CD163: variants seen among roughly 807,000 people sequenced by gnomAD.
CD163 encodes the protein CD163 molecule.
In CD163, 64 loss-of-function variants were observed where a neutral mutation model predicts 129.2. The ratio of observed to expected loss-of-function variants is 0.50; its 90% CI spans 0.41 to 0.61. CD163 has a LOEUF of 0.61. Ranked by LOEUF, CD163 falls within the 20% of genes least tolerant of loss-of-function variation. CD163 has a pLI of 0.00. For missense variants in CD163, 1,061 were observed against 1,377.9 expected, an observed-to-expected ratio of 0.77 and a Z score of 3.64; for synonymous variants, 446 against 478.5, an observed-to-expected ratio of 0.93 and a Z score of 0.89.
At chr12:7,492,402 T>C (rs1478815648) in intron 6 of CD163, among the ~76,000 whole-genome samples, 1 of 152,036 alleles carries the variant, frequency 6.6e-6, no homozygotes, top group African/African-American at 2.4e-5. Context: ...ACCTAAAATA[T>C]GGGTGTGGTT....
At chr12:7,495,509 G>A in intron 5 of CD163, 108 bp from the exon 6 acceptor site, 1 of 921,188 alleles carries the variant, frequency 1.1e-6, no homozygotes, top group Non-Finnish European at 1.6e-6. Flanking sequence ...GAAAATTATA[G>A]GTAACTTATT....
chr12:7,500,501 G>GC (rs1387734950), intron 3 of CD163, among the ~76,000 whole-genome samples: 1 of 150,178 alleles, frequency 6.7e-6, no homozygotes, highest in Non-Finnish European at 1.5e-5. Flanking sequence ...TCAGAAATGT[G>GC]CCCTTGGGAT....
In CD163 at chr12:7,485,353, A is replaced by C. The variant is rs780669604; in HGVS notation, c.2522T>G (p.Val841Gly). 6.2e-7 allele frequency: 1 copy of C among 1,614,156 alleles called. No homozygotes were observed. Among genetic ancestry groups the C allele is most frequent in the Non-Finnish European group, 8.5e-7 (1 of 1,180,014 alleles). Residue 841 changes from valine to glycine, a missense_variant, in exon 11 of 17, where the codon GTT (valine) becomes GGT (glycine). Val to Gly is a moderately radical substitution (Grantham distance 109). Transcript: ENST00000432237. This position sits in a 1 kb window ranked among gnomAD's most constrained non-coding sequence, Gnocchi z 4.5. ...SREACAGRLE[V>G]FYNGAWGTVG... is the part of the protein sequence containing the mutation. The stretch of plus-strand genomic sequence containing the variant: ...AGTGCCCCAAGCTCCATTGTAAAAA[A>C]CTTCCAGACGCCCTGCACAGGCCTC...
intron 6 of CD163, among the ~76,000 whole-genome samples, chr12:7,493,125 A>C (rs983591108): frequency 1.3e-5 from 2 of 152,250 alleles, no homozygotes; most frequent in African/African-American, 4.8e-5. Flanking sequence ...GGCAGCTGAC[A>C]TCAGCCCTTG....
chr12:7,502,754 T>A, intron 1 of CD163, 190 bp from the exon 2 acceptor site: 1 of 627,666 alleles, frequency 1.6e-6, no homozygotes, highest in Non-Finnish European at 2.8e-6. Context: ...GTTTTGAAAA[T>A]GTTCATGTTT....
chr12:7,487,008 G>T lies in CD163; in HGVS notation c.2051-22C>A, dbSNP rs770517616. On this transcript the variant is annotated intron_variant, in intron 8 of 16. Coordinates refer to ENST00000432237, the MANE Select transcript of CD163 (RefSeq NM_203416.4). This position sits in a 1 kb window ranked among gnomAD's most constrained non-coding sequence, Gnocchi z 5.1. ...TTTCCTGCAAACACCAAGGTACTCA[G>T]TCATACAAGACACAAAAGGTTAGGG... 4 of 1,586,292 alleles carry T rather than the reference G, an allele frequency of 2.5e-6. No individual in the cohort carries two copies. Among genetic ancestry groups the T allele is most frequent in the Non-Finnish European group, 3.5e-6 (4 of 1,155,778 alleles).
At position 7,487,419 on chromosome 12, in the gene CD163, C is replaced by T. The variant is rs983070305; in HGVS notation, c.1990G>A (p.Val664Ile). 1.2e-6 allele frequency: 2 copies of T among 1,612,870 alleles called. No individual in the cohort carries two copies. The highest frequency in any genetic ancestry group is 1.7e-6 in the Non-Finnish European group (2 of 1,179,434). ...GTEQHMGDCP[V>I]TALGASLCPS... ...CATAATGAAGCACCTAGAGCAGTTA[C>T]AGGACAATCTCCCATGTGCTGCTCA... is the stretch of plus-strand genomic sequence containing the variant. Residue 664 changes from valine to isoleucine, a missense_variant, in exon 8 of 17, where the codon GTA becomes ATA. Val to Ile is a conservative substitution (Grantham distance 29, BLOSUM62 3). Coordinates refer to ENST00000432237, the MANE Select transcript of CD163 (RefSeq NM_203416.4). This position sits in a 1 kb window ranked among gnomAD's most constrained non-coding sequence, Gnocchi z 5.1.
At chr12:7,479,614 T>C (rs1949134671) in intron 16 of CD163, among the ~76,000 whole-genome samples, 1 of 152,172 alleles carries the variant, frequency 6.6e-6, no homozygotes, top group Admixed American at 6.6e-5. Context: ...TGTATTTGTT[T>C]ACTCAGTTTC....
chr12:7,501,270 C>T lies in CD163; in HGVS notation c.326G>A (p.Gly109Asp), dbSNP rs1390327729. The change falls in exon 3 of 17, where the codon GGT becomes GAT. Residue 109 changes from glycine (G) to aspartate (D), a missense_variant. By Grantham distance (94) the Gly-to-Asp change is moderately conservative (BLOSUM62 -1). Transcript: ENST00000432237. ...KAPGWANSSA[G>D]SGRIWMDHVS... ...ATGATCCATCCAAATGCGTCCAGAA[C>T]CTGCACTGGAATTAGCCCATCCAGG... The T allele has an allele frequency of 6.2e-7, 1 of 1,614,192 alleles. No homozygotes were observed. The highest frequency in any genetic ancestry group is 8.5e-7 in the Non-Finnish European group (1 of 1,180,028).
At chr12:7,493,666 T>A in intron 6 of CD163, among the ~76,000 whole-genome samples, 1 of 152,124 alleles carries the variant, frequency 6.6e-6, no homozygotes, top group Admixed American at 6.5e-5. Flanking sequence ...ACCTAAAATA[T>A]TTATATTAGT....
At position 7,501,135 on chromosome 12, in the gene CD163, T is replaced by C. The variant is rs1949479355; in HGVS notation, c.457+4A>G. 4 of 1,612,980 alleles carry C rather than the reference T, an allele frequency of 2.5e-6. No homozygotes were observed. In the African/African-American group the frequency reaches 5.3e-5, roughly 22 times the overall value. ...GTTGAGGCTTTGACTAATGCAAGTC[T>C]TACCTGAGCAGGTCACTCCAGCATC... On this transcript the variant is annotated splice_donor_region_variant and intron_variant, in intron 3 of 16. Transcript: ENST00000432237.
At chr12:7,475,329 G>A (rs532806800) in intron 16 of CD163, among the ~76,000 whole-genome samples, 16 of 152,028 alleles carry the variant, frequency 1.1e-4, no homozygotes, top group Admixed American at 2.6e-4. Flanking sequence ...ACATTGATGC[G>A]AAAATCCTCA....
At chr12:7,481,103 T>A (rs1949155675) in intron 15 of CD163, 58 bp downstream of exon 15, 5 of 1,581,412 alleles carry the variant, frequency 3.2e-6, no homozygotes, top group Non-Finnish European at 4.3e-6. Context: ...TGTCTGTGCC[T>A]CAACTGCAGC....
intron 11 of CD163, among the ~76,000 whole-genome samples, chr12:7,484,352 T>C (rs115302833): frequency 5.3e-5 from 8 of 152,116 alleles, no homozygotes; most frequent in Admixed American, 4.6e-4. Flanking sequence ...TTTAAGAAGA[T>C]GTAGAGGCCA....
Position 7,495,204 on chromosome 12 carries a change from T to C in CD163, c.1297A>G (p.Thr433Ala). The C allele has an allele frequency of 6.2e-7, 1 of 1,614,196 alleles. No homozygotes were observed. The highest frequency in any genetic ancestry group is 1.3e-5 in the African/African-American group (1 of 75,054). ...CTACTTAGAAACAGCCATGTGTTTGTTGCCTGGATTTTGGAGTACACTTGA... is the reference window on the plus strand; with the variant it reads ...CTACTTAGAAACAGCCATGTGTTTGCTGCCTGGATTTTGGAGTACACTTGA... The part of the protein sequence containing the change: ...SYQVYSKIQA[T>A]NTWLFLSSCN... The change falls in exon 6 of 17, where the codon ACA (threonine) becomes GCA (alanine). Residue 433 changes from threonine to alanine, a missense_variant. Transcript: ENST00000432237.
rs773781599 is a variant in CD163, at chr12:7,496,856, C to T, written c.1056G>A (p.Lys352=). 10 of 1,613,988 alleles carry T rather than the reference C, an allele frequency of 6.2e-6. No homozygotes were observed. In the African/African-American group the frequency reaches 1.3e-4, roughly 22 times the overall value. Residue 352 remains lysine, a synonymous_variant, in exon 5 of 17, where the codon AAG becomes AAA. Coordinates refer to ENST00000432237, the MANE Select transcript of CD163 (RefSeq NM_203416.4). The surrounding 1 kb of genome is among the most constrained non-coding windows in gnomAD (Gnocchi z 4.8). Reference sequence around the variant, plus strand: ...CATCTTCATTGTGATTGCAATAATGCTTTCCCCATTCATGGTGTTTACATT... The same window carrying T: ...CATCTTCATTGTGATTGCAATAATGTTTTCCCCATTCATGGTGTTTACATT... The part of the protein sequence containing the change: ...IWQCKHHEWG[K]HYCNHNEDAG...
At position 7,483,014 on chromosome 12, in the gene CD163, A is replaced by G. The variant is rs762309915; in HGVS notation, c.3089-10T>C. On this transcript the variant is annotated splice_polypyrimidine_tract_variant and intron_variant, in intron 12 of 16. Transcript: ENST00000432237. ...TTCTGCACTGAAATATCTGTAGGAG[A>G]AAAGAAAGAGAGAGGGTTAATTCTT... 6.2e-7 allele frequency: 1 copy of G among 1,613,060 alleles called. No individual in the cohort carries two copies. Among genetic ancestry groups the G allele is most frequent in the Non-Finnish European group, 8.5e-7 (1 of 1,179,570 alleles).
At chr12:7,480,984 T>G in intron 15 of CD163, 177 bp downstream of exon 15, 1 of 1,329,768 alleles carries the variant, frequency 7.5e-7, no homozygotes, top group Non-Finnish European at 9.6e-7. Context: ...TCCCTATGAT[T>G]GCAATTTTGA....
At chr12:7,475,492 T>C (rs1214577749) in intron 16 of CD163, among the ~76,000 whole-genome samples, 2 of 152,154 alleles carry the variant, frequency 1.3e-5, no homozygotes, top group African/African-American at 4.8e-5. Flanking sequence ...AAAAACCAAA[T>C]GATTGTCTCA....
Sources: allele counts gnomAD v4.1 joint callset (sites outside exome capture counted in the v4.1 genomes callset), GRCh38; gene constraint gnomAD v4.1.1; non-coding constraint Gnocchi (gnomAD v3.1); transcripts MANE v1.5; gene names NCBI Gene and HGNC (gene_info 2026-07-23, HGNC 2026-07-21).